Variants in STX8 observed in about 807,000 individuals in gnomAD.
STX8 encodes syntaxin 8, also known as syntaxin-8.
A neutral mutation model predicts 37.5 loss-of-function variants in STX8; 23 were observed. The observed-to-expected ratio is 0.61, with a 90% confidence interval of 0.44 to 0.87. STX8 has a LOEUF of 0.87. Among genes scored for constraint, STX8 ranks in the 40% least tolerant of loss-of-function variants. STX8 has a pLI of 0.00. For missense variants in STX8, 313 were observed against 284.7 expected, an observed-to-expected ratio of 1.10 and a Z score of -0.71; for synonymous variants, 115 against 99.1, an observed-to-expected ratio of 1.16 and a Z score of -0.95.
At chr17:9,543,054 C>T (rs552706058) in intron 4 of STX8, among the ~76,000 whole-genome samples, 56 of 152,282 alleles carry the variant, frequency 3.7e-4, no homozygotes, top group African/African-American at 1.3e-3. Flanking sequence ...TAATGAGAAG[C>T]AAAGAGCAGA....
chr17:9,451,613 T>C lies in STX8; in HGVS notation c.541+40216A>G, dbSNP rs184545408. ...GATATATATGTCCAAATTATTTTTA[T>C]AACTTTATAAATAAACCCATCTCTA... On this transcript the variant is annotated intron_variant, in intron 6 of 7. Transcript: ENST00000306357. Among the ~76,000 whole-genome samples, 707 of 152,294 alleles carry C rather than the reference T, an allele frequency of 4.6e-3. 3 individuals are homozygous for C. The highest frequency in any genetic ancestry group is 4.7e-3 in the Non-Finnish European group (320 of 68,024).
intron 7 of STX8, among the ~76,000 whole-genome samples, chr17:9,369,578 T>C (rs571850467): frequency 8.5e-4 from 129 of 152,086 alleles, no homozygotes; most frequent in African/African-American, 3.0e-3. Context: ...TTTTATAAGG[T>C]TCAAAAGAGC....
intron 7 of STX8, among the ~76,000 whole-genome samples, chr17:9,324,149 C>T (rs930523340): frequency 1.3e-5 from 2 of 151,190 alleles, no homozygotes; most frequent in African/African-American, 4.9e-5. Flanking sequence ...CACACACACA[C>T]ACACACAAAC....
intron 4 of STX8, among the ~76,000 whole-genome samples, chr17:9,529,457 C>T (rs1905722694): frequency 6.6e-6 from 1 of 151,948 alleles, no homozygotes; most frequent in Admixed American, 6.6e-5. Flanking sequence ...CAGAAAAATC[C>T]CCAGTGTACA....
chr17:9,289,182 T>C (rs1908213257), intron 7 of STX8, among the ~76,000 whole-genome samples: 1 of 152,142 alleles, frequency 6.6e-6, no homozygotes, highest in Non-Finnish European at 1.5e-5. Context: ...ATGCAGTCAA[T>C]CAATCAACAA....
intron 7 of STX8, among the ~76,000 whole-genome samples, chr17:9,291,379 T>C (rs1248926228): frequency 1.0e-4 from 15 of 147,176 alleles, no homozygotes. Context: ...AATTTGAAGC[T>C]GCAGTGAGCC....
chr17:9,527,185 C>CAGAAAAAAAAAA (rs1905611726), intron 4 of STX8, among the ~76,000 whole-genome samples: 1 of 49,634 alleles, frequency 2.0e-5, no homozygotes, highest in Admixed American at 3.7e-4. Flanking sequence ...GACTCCGTCT[C>CAGAAAAAAAAAA]AAAAAAAAAA....
At chr17:9,320,315 A>G (rs1909534385) in intron 7 of STX8, among the ~76,000 whole-genome samples, 1 of 150,960 alleles carries the variant, frequency 6.6e-6, no homozygotes, top group Non-Finnish European at 1.5e-5. Context: ...CCTGGGTGAC[A>G]GAGCAAGACT....
At chr17:9,393,740 T>C (rs527574328) in intron 6 of STX8, among the ~76,000 whole-genome samples, 18 of 152,340 alleles carry the variant, frequency 1.2e-4, no homozygotes, top group African/African-American at 4.3e-4. Flanking sequence ...GAAGTTCATA[T>C]ATATGATACA....
intron 6 of STX8, among the ~76,000 whole-genome samples, chr17:9,411,500 T>C (rs957000812): frequency 2.6e-5 from 4 of 152,242 alleles, no homozygotes; most frequent in African/African-American, 9.6e-5. Flanking sequence ...TTAAGAGAAA[T>C]TGTTTTGCCT....
chr17:9,355,394 G>T (rs1910843448), intron 7 of STX8, among the ~76,000 whole-genome samples: 1 of 149,596 alleles, frequency 6.7e-6, no homozygotes. Context: ...GAATGCAGTG[G>T]CACAATCACA....
intron 7 of STX8, among the ~76,000 whole-genome samples, chr17:9,372,158 G>C (rs1011805240): frequency 3.3e-5 from 5 of 152,158 alleles, no homozygotes; most frequent in African/African-American, 9.7e-5. Flanking sequence ...TGTATGTCCA[G>C]GGGGCAAATT....
intron 6 of STX8, among the ~76,000 whole-genome samples, chr17:9,389,545 A>G (rs943483605): frequency 5.9e-5 from 9 of 152,240 alleles, no homozygotes; most frequent in Non-Finnish European, 1.3e-4. Context: ...ATTAAGAAAT[A>G]TTATATGATG....
intron 6 of STX8, among the ~76,000 whole-genome samples, chr17:9,476,846 T>C (rs1158936641): frequency 6.6e-6 from 1 of 151,978 alleles, no homozygotes; most frequent in Non-Finnish European, 1.5e-5. Flanking sequence ...CCCACGTGCC[T>C]CTTTTTCTTT....
intron 2 of STX8, among the ~76,000 whole-genome samples, chr17:9,563,194 T>TTTATTTATTTAC (rs869145158): frequency 4.1e-5 from 6 of 148,044 alleles, no homozygotes; most frequent in African/African-American, 1.6e-4. Flanking sequence ...TATTTATTTA[T>TTTATTTATTTAC]TTATTGAGAC....
At chr17:9,558,763 C>CA (rs1288139480) in intron 2 of STX8, among the ~76,000 whole-genome samples, 1 of 151,342 alleles carries the variant, frequency 6.6e-6, no homozygotes, top group African/African-American at 2.4e-5. Context: ...GCGGAGCTTG[C>CA]AGTGAGCCGA....
intron 4 of STX8, among the ~76,000 whole-genome samples, chr17:9,526,728 G>A (rs556091943): frequency 1.3e-5 from 2 of 152,168 alleles, no homozygotes; most frequent in African/African-American, 4.8e-5. Context: ...AAATTAGCCA[G>A]GTGTGGTGGT....
chr17:9,270,728 G>C (rs35880517), intron 7 of STX8, among the ~76,000 whole-genome samples: 3 of 152,148 alleles, frequency 2.0e-5, no homozygotes, highest in African/African-American at 7.2e-5. Context: ...TCAAGGAGTA[G>C]TGGTTTTAAA....
intron 6 of STX8, among the ~76,000 whole-genome samples, chr17:9,478,328 G>A (rs1465448493): frequency 6.6e-6 from 1 of 152,038 alleles, no homozygotes; most frequent in Non-Finnish European, 1.5e-5. Context: ...TAGAGACGGG[G>A]TTTCGCCATG....
Sources: allele counts gnomAD v4.1 joint callset (sites outside exome capture counted in the v4.1 genomes callset), GRCh38; gene constraint gnomAD v4.1.1; transcripts MANE v1.5; gene names NCBI Gene and HGNC (gene_info 2026-07-23, HGNC 2026-07-21).